The following LAMA3 variants were observed in gnomAD, a reference collection of about 807,000 sequenced individuals.
The protein encoded by LAMA3 is laminin subunit alpha 3.
LAMA3 carries 281 observed loss-of-function variants against 402.0 expected under a neutral mutation model. The observed-to-expected ratio is 0.70, with a 90% CI of 0.63 to 0.77. The LOEUF is 0.77. LAMA3 is among the 30% of genes least tolerant of loss of function. LAMA3 has a pLI of 0.00. For synonymous variants in LAMA3, 1,431 were observed against 1,558.4 expected, an observed-to-expected ratio of 0.92 and a Z score of 1.93; for missense variants, 3,840 against 4,215.5, an observed-to-expected ratio of 0.91 and a Z score of 2.47.
intron 37 of LAMA3, among the ~76,000 whole-genome samples, chr18:23,871,107 C>A (rs1013176765): frequency 2.6e-5 from 4 of 152,188 alleles, no homozygotes; most frequent in Non-Finnish European, 5.9e-5. Flanking sequence ...TTCCATATGC[C>A]TTCCTTCCCT....
chr18:23,769,716 G>A (rs904124468), intron 8 of LAMA3, among the ~76,000 whole-genome samples: 6 of 152,264 alleles, frequency 3.9e-5, no homozygotes, highest in African/African-American at 1.4e-4. Flanking sequence ...ACAAAAGGAA[G>A]GGGCAAGCAG....
At chr18:23,719,202 A>G (rs931801863) in intron 2 of LAMA3, among the ~76,000 whole-genome samples, 5 of 152,216 alleles carry the variant, frequency 3.3e-5, no homozygotes, top group Non-Finnish European at 7.3e-5. Flanking sequence ...AAGACAGAAG[A>G]AAGAGAGTCC....
rs66582854 is a variant in LAMA3, at chr18:23,750,432, GTTTTTTTTTTTTTTTTTTT to G, written c.685-469_685-451del. Among the ~76,000 whole-genome samples the G allele has an allele frequency of 5.4e-3, 178 of 33,042 alleles. 3 individuals are homozygous for G. In the East Asian group the frequency reaches 0.13, roughly 24 times the overall value. 21.7% of individuals were successfully genotyped at this position (33,042 alleles called of 152,430 possible). ...TAAAACAAAATGGAGGGTTTACACA[GTTTTTTTTTTTTTTTTTTT>G]TTTTTTTTTTTTTTTTGCCCCATTA... On this transcript the variant is annotated intron_variant, in intron 4 of 74. Transcript: ENST00000313654.
chr18:23,753,666 G>C (rs2143609861), intron 5 of LAMA3, 55 bp from the exon 6 acceptor site: 1 of 1,375,600 alleles, frequency 7.3e-7, no homozygotes, highest in East Asian at 2.3e-5. Context: ...ACTAGTAAGA[G>C]AAAGTTTTTG....
At position 23,777,638 on chromosome 18, in the gene LAMA3, G is replaced by A. The variant is rs747386626; in HGVS notation, c.1468+19G>A. 5 of 1,569,934 alleles carry A rather than the reference G, an allele frequency of 3.2e-6. No individual in the cohort carries two copies. The highest frequency in any genetic ancestry group is 3.5e-6 in the Non-Finnish European group (4 of 1,139,992). On this transcript the variant is annotated intron_variant, in intron 11 of 74. Coordinates refer to ENST00000313654, the MANE Select transcript of LAMA3 (RefSeq NM_198129.4). ...ATAAAAGGCAAGTAACCTCCCTTTT[G>A]GTTTAACTCCAGTGAAAATGTTATG... is the stretch of plus-strand genomic sequence containing the variant.
At chr18:23,771,622 T>G (rs539535721) in intron 8 of LAMA3, among the ~76,000 whole-genome samples, 19 of 152,252 alleles carry the variant, frequency 1.2e-4, no homozygotes, top group Non-Finnish European at 2.2e-4. Context: ...GCTAGTTAAA[T>G]GCATGGTGAA....
rs1392826827 is a variant in LAMA3 at position 23,753,070 on chromosome 18, C to T, written c.856-651C>T. On this transcript the variant is annotated intron_variant, in intron 5 of 74. Coordinates refer to ENST00000313654, the MANE Select transcript of LAMA3 (RefSeq NM_198129.4). ...CCAACATATTGGAGAGGGGCCTTGT[C>T]AATGAGAGGGTATACACATATTTGT... Among the ~76,000 whole-genome samples the T allele has an allele frequency of 3.9e-5, 6 of 152,338 alleles. No homozygotes were observed. The East Asian group carries it at 1.2e-3, about 29-fold the overall frequency.
rs1207185431 is a variant in LAMA3, at chr18:23,918,236, T to C, written c.7923+1541T>C. 6.6e-6 allele frequency among the ~76,000 whole-genome samples: 1 copy of C among 152,196 alleles called. No individual in the cohort carries two copies. On this transcript the variant is annotated intron_variant, in intron 60 of 74. Coordinates refer to ENST00000313654, the MANE Select transcript of LAMA3 (RefSeq NM_198129.4). The surrounding 1 kb of genome is among the most constrained non-coding windows in gnomAD (Gnocchi z 4.1). The stretch of plus-strand genomic sequence containing the variant: ...CTTTATCTCTGGGCTCTCTATTCTG[T>C]TCCATTGATGTCTATTTTAATGAGG...
chr18:23,814,267 AT>A (rs1347916818), intron 14 of LAMA3, 135 bp from the exon 15 acceptor site: 9 of 703,910 alleles, frequency 1.3e-5, no homozygotes, highest in Middle Eastern at 3.2e-4. Context: ...TCAACCCAGT[AT>A]TTTTTCCCCC....
At chr18:23,784,664 G>T (rs900033139) in intron 12 of LAMA3, among the ~76,000 whole-genome samples, 1 of 152,066 alleles carries the variant, frequency 6.6e-6, no homozygotes. Flanking sequence ...TCCCATCCCG[G>T]CAAGGGTCGC....
chr18:23,810,268 C>A, intron 12 of LAMA3, 98 bp from the exon 13 acceptor site: 1 of 1,442,400 alleles, frequency 6.9e-7, no homozygotes, highest in Non-Finnish European at 9.7e-7. Flanking sequence ...GTGTTTGGGT[C>A]TTTCTGGCTC....
In LAMA3 at chr18:23,954,703, T is replaced by TATTG. The variant is rs2083053987; in HGVS notation, c.*55_*56insATTG. The TATTG allele has an allele frequency of 1.3e-6, 2 of 1,544,430 alleles. No individual in the cohort carries two copies. The highest frequency in any genetic ancestry group is 1.8e-6 in the Non-Finnish European group (2 of 1,116,902). ...ACCTTCAAAAGCACTGATTACCCAA[T>TATTG]GCACCTCCCTCCCCAGCTCGAGATC... is the stretch of plus-strand genomic sequence containing the variant. On this transcript the variant is annotated 3_prime_UTR_variant, in exon 75 of 75. Transcript: ENST00000313654.
At position 23,873,294 on chromosome 18, in the gene LAMA3, TTAA is replaced by T. The variant is rs1401945600; in HGVS notation, c.4998+1635_4998+1637del. Reference sequence around the variant, plus strand: ...ACATTTTAAGTTACAGTTACGGTGATTAATGAGTAAATGGGTGGACTGAGGAGG... The same window carrying T: ...ACATTTTAAGTTACAGTTACGGTGATTGAGTAAATGGGTGGACTGAGGAGG... On this transcript the variant is annotated intron_variant, in intron 38 of 74. Transcript: ENST00000313654. 22 of 1,271,094 alleles carry T rather than the reference TTAA, an allele frequency of 1.7e-5. 1 individual carries two copies. In the Admixed American group the frequency reaches 3.5e-4, roughly 20 times the overall value. 78.7% of individuals were successfully genotyped at this position (1,271,094 alleles called of 1,614,324 possible). A position where few individuals can be genotyped will look rare whatever the true frequency, so the allele number is the denominator to read the frequency against.
intron 2 of LAMA3, among the ~76,000 whole-genome samples, chr18:23,726,364 C>T (rs2061300538): frequency 6.6e-6 from 1 of 152,202 alleles, no homozygotes; most frequent in African/African-American, 2.4e-5. Context: ...AGTCCAGCCT[C>T]CTTGCTGTGG....
rs371550637 is a variant in LAMA3, at chr18:23,822,320, C to T, written c.2373C>T (p.Tyr791=). Residue 791 remains tyrosine (Y), a synonymous_variant, in exon 20 of 75, where the codon TAC becomes TAT. Coordinates refer to ENST00000313654, the MANE Select transcript of LAMA3 (RefSeq NM_198129.4). ...SGSLFRVILR[Y]VNPGTEAVSG... ...CCTTGTTTCGTGTTATTCTGAGATA[C>T]GTTAACCCTGGAACTGAAGCAGTAT... is the stretch of plus-strand genomic sequence containing the variant. The T allele has an allele frequency of 7.4e-6, 12 of 1,613,494 alleles. No individual in the cohort carries two copies. The highest frequency in any genetic ancestry group is 1.3e-5 in the African/African-American group (1 of 75,020).
intron 32 of LAMA3, among the ~76,000 whole-genome samples, chr18:23,853,969 A>G (rs1568258837): frequency 6.6e-6 from 1 of 152,192 alleles, no homozygotes; most frequent in African/African-American, 2.4e-5. Context: ...GCATAACTCA[A>G]TTATCTAAAC....
chr18:23,808,023 G>C (rs565643892), intron 12 of LAMA3, among the ~76,000 whole-genome samples: 1 of 152,168 alleles, frequency 6.6e-6, no homozygotes, highest in Non-Finnish European at 1.5e-5. Flanking sequence ...CCAATAGCTA[G>C]GGGAGCATTA....
Position 23,689,500 on chromosome 18 carries a change from G to A in LAMA3, c.-184G>A, listed in dbSNP as rs2060536329. On this transcript the variant is annotated 5_prime_UTR_variant, in exon 1 of 75. Coordinates refer to ENST00000313654, the MANE Select transcript of LAMA3 (RefSeq NM_198129.4). ...CGCTCCAGCCGCGGCAGGTTCCAGA[G>A]CTGAGAGGCCACCCCCACGCCGCGG... 2 of 468,004 alleles carry A rather than the reference G, an allele frequency of 4.3e-6. No individual in the cohort carries two copies. Among genetic ancestry groups the A allele is most frequent in the Admixed American group, 4.6e-5 (1 of 21,814 alleles). The allele number at this position is 468,004 out of a possible 1,614,324, so 29.0% of individuals were successfully genotyped here.
chr18:23,800,979 T>C (rs748577387), intron 12 of LAMA3, among the ~76,000 whole-genome samples: 15 of 152,160 alleles, frequency 9.9e-5, no homozygotes, highest in Non-Finnish European at 1.9e-4. Flanking sequence ...TGAATAATGC[T>C]GCAGTGAACA....
Sources: allele counts gnomAD v4.1 joint callset (sites outside exome capture counted in the v4.1 genomes callset), GRCh38; gene constraint gnomAD v4.1.1; non-coding constraint Gnocchi (gnomAD v3.1); transcripts MANE v1.5; gene names NCBI Gene and HGNC (gene_info 2026-07-23, HGNC 2026-07-21).